SSRP1: variants seen among roughly 807,000 people sequenced by gnomAD.
The protein encoded by SSRP1 is FACT complex subunit SSRP1.
Under a neutral mutation model 84.4 loss-of-function variants are expected in SSRP1, and 21 were observed. That is an observed-to-expected ratio of 0.25 (90% CI 0.18 to 0.36). The LOEUF is 0.36. Among genes scored for constraint, SSRP1 ranks in the 10% least tolerant of loss-of-function variants. The pLI, the probability that SSRP1 is intolerant of heterozygous loss-of-function variation, is 1.00. For synonymous variants in SSRP1, 319 were observed against 318.3 expected, an observed-to-expected ratio of 1.00 and a Z score of -0.02; for missense variants, 519 against 900.8, an observed-to-expected ratio of 0.58 and a Z score of 5.43.
Position 57,335,226 on chromosome 11 carries a change from C to T in SSRP1, c.-105G>A. The T allele has an allele frequency of 8.5e-7, 1 of 1,180,846 alleles. No individual in the cohort carries two copies. The allele number at this position is 1,180,846 out of a possible 1,614,324, so 73.1% of individuals were successfully genotyped here. ...ACTCCTGAGTGGGTGTGCGGATGCT[C>T]AGCAGGTTGGGAATCTGAATTCAAG... On this transcript the variant is annotated 5_prime_UTR_variant, in exon 2 of 17. Transcript: ENST00000278412. The surrounding 1 kb of genome is among the most constrained non-coding windows in gnomAD (Gnocchi z 4.6).
intron 3 of SSRP1, among the ~76,000 whole-genome samples, chr11:57,333,871 G>A (rs1289769295): frequency 6.6e-6 from 1 of 152,262 alleles, no homozygotes; most frequent in Admixed American, 6.5e-5. Flanking sequence ...TATCAAGCTA[G>A]CCAGGCGCAA....
rs769805464 is a variant in SSRP1, at chr11:57,331,727, G to A, written c.1164C>T (p.Ser388=). ...GCTTGGTCTCAATTTCAAAGTCAAA[G>A]GAACGAGTAGTAGTGGTACCACGAG... ...NFARGTTTTR[S]FDFEIETKQG... is the part of the protein sequence containing the mutation. Residue 388 remains serine, a synonymous_variant, in exon 9 of 17, where the codon TCC becomes TCT. Transcript: ENST00000278412. 2 of 1,614,166 alleles carry A rather than the reference G, an allele frequency of 1.2e-6. No homozygotes were observed. The highest frequency in any genetic ancestry group is 2.2e-5 in the East Asian group (1 of 44,866).
intron 2 of SSRP1, among the ~76,000 whole-genome samples, 161 bp downstream of exon 2, chr11:57,334,907 A>C (rs762644550): frequency 3.9e-5 from 6 of 152,252 alleles, no homozygotes; most frequent in South Asian, 2.1e-4. Flanking sequence ...CTCTGAGACT[A>C]TCTCTCAGTA....
chr11:57,334,780 T>C (rs1590612920), intron 2 of SSRP1, 132 bp from the exon 3 acceptor site: 1 of 1,095,738 alleles, frequency 9.1e-7, no homozygotes, highest in African/African-American at 1.6e-5. Flanking sequence ...CAGCTGAGGG[T>C]GCCAAGGAGT....
intron 13 of SSRP1, chr11:57,328,089 T>C (rs1856020202): frequency 8.2e-6 from 8 of 976,466 alleles, no homozygotes; most frequent in South Asian, 1.7e-5. Context: ...CATCTCCTAA[T>C]TCAGACCTTC....
In SSRP1 at chr11:57,326,382, G is replaced by C. The variant is rs1291620664; in HGVS notation, c.*25C>G. 2.5e-6 allele frequency: 4 copies of C among 1,612,754 alleles called. No homozygotes were observed. The South Asian group carries it at 4.4e-5, about 18-fold the overall frequency. ...GGAGTCGGGGGGTGTGAGAAGGCAA[G>C]CGCAAAGAGAACCTTCCTCCGTTTC... On this transcript the variant is annotated 3_prime_UTR_variant, in exon 17 of 17. Coordinates refer to ENST00000278412, the MANE Select transcript of SSRP1 (RefSeq NM_003146.3).
Position 57,335,524 on chromosome 11 carries a change from C to T in SSRP1, c.-120+206G>A, listed in dbSNP as rs1856198661. The T allele has an allele frequency of 6.8e-6, 2 of 292,974 alleles. No individual in the cohort carries two copies. The highest frequency in any genetic ancestry group is 4.3e-5 in the African/African-American group (2 of 46,216). 18.1% of individuals were successfully genotyped at this position (292,974 alleles called of 1,614,324 possible). A position where few individuals can be genotyped will look rare whatever the true frequency, so the allele number is the denominator to read the frequency against. ...CAGGGTCTGCCAGGAGCCCGCACAT[C>T]GCACGCGACCCAATCCAGCTCAGAG... On this transcript the variant is annotated intron_variant, in intron 1 of 16. Transcript: ENST00000278412. This position sits in a 1 kb window ranked among gnomAD's most constrained non-coding sequence, Gnocchi z 4.6.
chr11:57,332,675 G>A lies in SSRP1; in HGVS notation c.718C>T (p.Leu240=). The A allele has an allele frequency of 1.2e-6, 2 of 1,614,062 alleles. No individual in the cohort carries two copies. The highest frequency in any genetic ancestry group is 2.2e-5 in the South Asian group (2 of 91,086). The change falls in exon 6 of 17, where the codon CTG becomes TTG. Residue 240 remains leucine (L), a synonymous_variant. Transcript: ENST00000278412. The surrounding 1 kb of genome is among the most constrained non-coding windows in gnomAD (Gnocchi z 5.5). ...TTGTGGGGTAACAAAAACAGACGCAGTACTGTGGTGTAGGGGATCTTGTAG... is the reference window on the plus strand; with the variant it reads ...TTGTGGGGTAACAAAAACAGACGCAATACTGTGGTGTAGGGGATCTTGTAG... The part of the protein sequence containing the change: ...FDYKIPYTTV[L]RLFLLPHKDQ...
In SSRP1 at chr11:57,335,260, A is replaced by G. The variant is rs1856188576; in HGVS notation, c.-119-20T>C. On this transcript the variant is annotated intron_variant, in intron 1 of 16. Transcript: ENST00000278412. This position sits in a 1 kb window ranked among gnomAD's most constrained non-coding sequence, Gnocchi z 4.6. Reference sequence around the variant, plus strand: ...GGGAATCTGAATTCAAGAGGAAGACAGATAAGCATGAAAGACAGCACCTCG... The same window carrying G: ...GGGAATCTGAATTCAAGAGGAAGACGGATAAGCATGAAAGACAGCACCTCG... The G allele has an allele frequency of 1.2e-6, 1 of 858,394 alleles. No individual in the cohort carries two copies. Among genetic ancestry groups the G allele is most frequent in the Admixed American group, 1.8e-5 (1 of 55,604 alleles). 53.2% of individuals were successfully genotyped at this position (858,394 alleles called of 1,614,324 possible).
In SSRP1 at chr11:57,335,284, C is replaced by G; in HGVS notation, c.-119-44G>C. The G allele has an allele frequency of 1.4e-6, 1 of 715,070 alleles. No individual in the cohort carries two copies. Among genetic ancestry groups the G allele is most frequent in the South Asian group, 1.5e-5 (1 of 66,724 alleles). 44.3% of individuals were successfully genotyped at this position (715,070 alleles called of 1,614,324 possible). Reference sequence around the variant, plus strand: ...CAGATAAGCATGAAAGACAGCACCTCGCTGTGCTCACGGATGGAGCCAGGT... The same window carrying G: ...CAGATAAGCATGAAAGACAGCACCTGGCTGTGCTCACGGATGGAGCCAGGT... On this transcript the variant is annotated intron_variant, in intron 1 of 16. Transcript: ENST00000278412. This position sits in a 1 kb window ranked among gnomAD's most constrained non-coding sequence, Gnocchi z 4.6.
At chr11:57,331,969 G>A (rs1181672655) in intron 8 of SSRP1, 80 bp from the exon 9 acceptor site, 1 of 1,490,904 alleles carries the variant, frequency 6.7e-7, no homozygotes, top group Admixed American at 1.9e-5. Context: ...CGACACGAGT[G>A]CTCATGTCCT....
intron 15 of SSRP1, 190 bp downstream of exon 15, chr11:57,327,236 C>T (rs1206328405): frequency 2.8e-5 from 20 of 704,196 alleles, no homozygotes; most frequent in Non-Finnish European, 4.6e-5. Flanking sequence ...CCATATTTCC[C>T]CAGTGACTTG....
At position 57,328,314 on chromosome 11, in the gene SSRP1, G is replaced by A. The variant is rs769046358; in HGVS notation, c.1594C>T (p.Arg532Cys). ...GTCTGCACCTCCACAGGCTTCTTGC[G>A]GCTCTTGCGGTCCTTGGCCATCTTG... is the stretch of plus-strand genomic sequence containing the variant. ...KAKMAKDRKS[R>C]KKPVEVKKGK... The change falls in exon 13 of 17, where the codon CGC becomes TGC. Residue 532 changes from arginine to cysteine, a missense_variant. Transcript: ENST00000278412. The A allele has an allele frequency of 1.5e-5, 25 of 1,614,134 alleles. No individual in the cohort carries two copies. Among genetic ancestry groups the A allele is most frequent in the South Asian group, 5.5e-5 (5 of 91,082 alleles).
chr11:57,332,033 G>C lies in SSRP1; in HGVS notation c.1001+119C>G. 5.2e-6 allele frequency: 8 copies of C among 1,549,676 alleles called. No homozygotes were observed. Among genetic ancestry groups the C allele is most frequent in the Non-Finnish European group, 7.0e-6 (8 of 1,140,098 alleles). On this transcript the variant is annotated intron_variant, in intron 8 of 16. Coordinates refer to ENST00000278412, the MANE Select transcript of SSRP1 (RefSeq NM_003146.3). This position sits in a 1 kb window ranked among gnomAD's most constrained non-coding sequence, Gnocchi z 5.5. Reference sequence around the variant, plus strand: ...TGACAGAGGCGCTGGCACCTATTGTGACACAAGGTCCCATCCAGGCCTCTA... The same window carrying C: ...TGACAGAGGCGCTGGCACCTATTGTCACACAAGGTCCCATCCAGGCCTCTA...
intron 13 of SSRP1, 23 bp downstream of exon 13, chr11:57,328,274 G>C (rs1244586130): frequency 6.2e-7 from 1 of 1,613,018 alleles, no homozygotes. Context: ...CCACACACAG[G>C]CCCTCCCATC....
chr11:57,328,770 G>A lies in SSRP1; in HGVS notation c.1482-344C>T, dbSNP rs1332936623. 6 of 213,732 alleles carry A rather than the reference G, an allele frequency of 2.8e-5. No homozygotes were observed. The East Asian group carries it at 7.6e-4, about 27-fold the overall frequency. The allele number at this position is 213,732 out of a possible 1,614,324, so 13.2% of individuals were successfully genotyped here. A position where few individuals can be genotyped will look rare whatever the true frequency, so the allele number is the denominator to read the frequency against. ...CAGAAACACTGCCTCATTCATGCCT[G>A]GAACATGGCCCAAATCCACTTCACC... On this transcript the variant is annotated intron_variant, in intron 12 of 16. Transcript: ENST00000278412.
In SSRP1 at chr11:57,332,577, C is replaced by A. The variant is rs1189075585; in HGVS notation, c.768+48G>T. 6.2e-7 allele frequency: 1 copy of A among 1,604,830 alleles called. No homozygotes were observed. Among genetic ancestry groups the A allele is most frequent in the Non-Finnish European group, 8.5e-7 (1 of 1,172,872 alleles). ...ACACCAGTGAGATCCATCTACTTAA[C>A]ACTTAGGCAAAAACCAGGATTATCC... On this transcript the variant is annotated intron_variant, in intron 6 of 16. Transcript: ENST00000278412. This position sits in a 1 kb window ranked among gnomAD's most constrained non-coding sequence, Gnocchi z 5.5.
rs751150457 is a variant in SSRP1 at position 57,332,495 on chromosome 11, G to T, written c.769-9C>A. The T allele has an allele frequency of 1.5e-5, 25 of 1,613,920 alleles. No individual in the cohort carries two copies. Among genetic ancestry groups the T allele is most frequent in the Non-Finnish European group, 2.0e-5 (24 of 1,179,872 alleles). On this transcript the variant is annotated splice_polypyrimidine_tract_variant and intron_variant, in intron 6 of 16. Coordinates refer to ENST00000278412, the MANE Select transcript of SSRP1 (RefSeq NM_003146.3). This position sits in a 1 kb window ranked among gnomAD's most constrained non-coding sequence, Gnocchi z 5.5. ...GGGGGATCCAGGCTGATCTAGTAAG[G>T]AAGAGTACTAATTGACACTCTACAA...
At position 57,334,471 on chromosome 11, in the gene SSRP1, G is replaced by A; in HGVS notation, c.232C>T (p.Arg78Ter). The change falls in exon 3 of 17, where the codon CGA becomes TGA. Residue 78 changes from arginine (R) to a stop codon, truncating the protein, a stop_gained. Transcript: ENST00000278412. LOFTEE classifies it high-confidence loss of function. ...NGHVYKYDGF[R>*]ESEFEKLSDF... ...GCCATGGGACATCTCACCGATTCTC[G>A]GAAGCCATCATACTTGTAGACATGG... is the stretch of plus-strand genomic sequence containing the variant. 1 of 1,613,846 alleles carries A rather than the reference G, an allele frequency of 6.2e-7. No individual in the cohort carries two copies. Among genetic ancestry groups the A allele is most frequent in the South Asian group, 1.1e-5 (1 of 91,066 alleles).
Sources: allele counts gnomAD v4.1 joint callset (sites outside exome capture counted in the v4.1 genomes callset), GRCh38; gene constraint gnomAD v4.1.1; non-coding constraint Gnocchi (gnomAD v3.1); transcripts MANE v1.5; gene names NCBI Gene and HGNC (gene_info 2026-07-23, HGNC 2026-07-21).